Variants in C17orf50 observed in about 807,000 individuals in gnomAD.
The protein encoded by C17orf50 is plakoglobin binding and degradation factor.
In C17orf50, 16 loss-of-function variants were observed where a neutral mutation model predicts 17.7. That is an observed-to-expected ratio of 0.90 (90% CI 0.61 to 1.37). The LOEUF (loss-of-function observed/expected upper bound fraction) is 1.37, where lower values mean the gene tolerates loss of function less well. C17orf50 is among the 40% of genes most tolerant of loss of function. The pLI is 0.00. For synonymous variants in C17orf50, 125 were observed against 111.0 expected (o/e 1.13, Z -0.80); for missense variants, 271 against 240.7 (o/e 1.13, Z -0.83).
At chr17:35,762,983 G>A (rs782061207) in intron 1 of C17orf50, among the ~76,000 whole-genome samples, 3 of 152,078 alleles carry the variant, frequency 2.0e-5, no homozygotes, top group Non-Finnish European at 2.9e-5. Context: ...TTAGCTGGGC[G>A]TGGTGGCGGG....
chr17:35,764,689 T>C lies in C17orf50; in HGVS notation c.*71T>C, dbSNP rs782469825. On this transcript the variant is annotated 3_prime_UTR_variant, in exon 3 of 3. Transcript: ENST00000605587. ...CAGACCCCCTACCGACCTTCTCTCT[T>C]GGAGCGCGGAGCCCTCTTCGACGCA... is the stretch of plus-strand genomic sequence containing the variant. 9.3e-5 allele frequency: 136 copies of C among 1,462,772 alleles called. No homozygotes were observed. Among genetic ancestry groups the C allele is most frequent in the Non-Finnish European group, 1.2e-4 (129 of 1,105,290 alleles). The allele number at this position is 1,462,772 out of a possible 1,614,324, so 90.6% of individuals were successfully genotyped here.
chr17:35,764,828 A>T lies in C17orf50; in HGVS notation c.*210A>T, dbSNP rs113176378. On this transcript the variant is annotated 3_prime_UTR_variant, in exon 3 of 3. Coordinates refer to ENST00000605587, the MANE Select transcript of C17orf50 (RefSeq NM_145272.4). ...ACCTAGCGCCCCCAGTGCAGAGCCC[A>T]GCATAACCTAGAGCCCGCTGTCAAC... The T allele has an allele frequency of 2.0e-6, 1 of 511,560 alleles. No homozygotes were observed. Among genetic ancestry groups the T allele is most frequent in the Admixed American group, 4.4e-5 (1 of 22,614 alleles). 31.7% of individuals were successfully genotyped at this position (511,560 alleles called of 1,614,324 possible). A position where few individuals can be genotyped will look rare whatever the true frequency, so the allele number is the denominator to read the frequency against.
chr17:35,764,692 A>G lies in C17orf50; in HGVS notation c.*74A>G, dbSNP rs2085901112. The G allele has an allele frequency of 6.9e-7, 1 of 1,452,268 alleles. No individual in the cohort carries two copies. Among genetic ancestry groups the G allele is most frequent in the Admixed American group, 2.9e-5 (1 of 34,180 alleles). 90.0% of individuals were successfully genotyped at this position (1,452,268 alleles called of 1,614,324 possible). A position where few individuals can be genotyped will look rare whatever the true frequency, so the allele number is the denominator to read the frequency against. On this transcript the variant is annotated 3_prime_UTR_variant, in exon 3 of 3. Transcript: ENST00000605587. ...ACCCCCTACCGACCTTCTCTCTTGG[A>G]GCGCGGAGCCCTCTTCGACGCATTC... is the stretch of plus-strand genomic sequence containing the variant.
At chr17:35,762,673 A>G (rs77866747) in intron 1 of C17orf50, among the ~76,000 whole-genome samples, 19,544 of 151,888 alleles carry the variant, frequency 0.13, 1,795 homozygotes, top group African/African-American at 0.26. Flanking sequence ...CCATTTCCCT[A>G]ACTATAAGGC....
chr17:35,764,837 T>G lies in C17orf50; in HGVS notation c.*219T>G. 2.2e-6 allele frequency: 1 copy of G among 446,110 alleles called. No homozygotes were observed. The highest frequency in any genetic ancestry group is 3.9e-6 in the Non-Finnish European group (1 of 258,474). The allele number at this position is 446,110 out of a possible 1,614,324, so 27.6% of individuals were successfully genotyped here. On this transcript the variant is annotated 3_prime_UTR_variant, in exon 3 of 3. Coordinates refer to ENST00000605587, the MANE Select transcript of C17orf50 (RefSeq NM_145272.4). ...CCCCAGTGCAGAGCCCAGCATAACC[T>G]AGAGCCCGCTGTCAACAGCGCCCAC...
intron 1 of C17orf50, among the ~76,000 whole-genome samples, chr17:35,762,082 C>CT (rs1263147063): frequency 6.6e-6 from 1 of 152,108 alleles, no homozygotes; most frequent in Non-Finnish European, 1.5e-5. Context: ...CCTCCGACCC[C>CT]TGGGTTCAAG....
At chr17:35,762,004 T>C (rs1555601620) in intron 1 of C17orf50, among the ~76,000 whole-genome samples, 1 of 152,178 alleles carries the variant, frequency 6.6e-6, no homozygotes, top group Non-Finnish European at 1.5e-5. Context: ...TTTTTTCTTT[T>C]TTTGAGACGG....
At position 35,764,281 on chromosome 17, in the gene C17orf50, C is replaced by T. The variant is rs922001775; in HGVS notation, c.288C>T (p.Leu96=). Residue 96 remains leucine (L), a synonymous_variant, in exon 2 of 3, where the codon CTC becomes CTT. Coordinates refer to ENST00000605587, the MANE Select transcript of C17orf50 (RefSeq NM_145272.4). The part of the protein sequence containing the change: ...RRADSGFWGW[L]GPLALLGGLT... ...CGGACAGCGGCTTCTGGGGCTGGCT[C>T]GGCCCCTTAGCGCTGCTGGGCGGCC... is the stretch of plus-strand genomic sequence containing the variant. 2.0e-6 allele frequency: 3 copies of T among 1,533,596 alleles called. No individual in the cohort carries two copies. Among genetic ancestry groups the T allele is most frequent in the African/African-American group, 1.4e-5 (1 of 72,030 alleles). 95.0% of individuals were successfully genotyped at this position (1,533,596 alleles called of 1,614,324 possible). A position where few individuals can be genotyped will look rare whatever the true frequency, so the allele number is the denominator to read the frequency against.
In C17orf50 at chr17:35,764,002, C is replaced by T; in HGVS notation, c.14-5C>T. On this transcript the variant is annotated splice_region_variant and splice_polypyrimidine_tract_variant and intron_variant, in intron 1 of 2. Coordinates refer to ENST00000605587, the MANE Select transcript of C17orf50 (RefSeq NM_145272.4). ...GGACTGCCCTGACCTCCTCCCGGCC[C>T]GCAGGTGTGAAGACCCCCTTGTGGA... is the stretch of plus-strand genomic sequence containing the variant. 4 of 1,533,570 alleles carry T rather than the reference C, an allele frequency of 2.6e-6. No homozygotes were observed. The highest frequency in any genetic ancestry group is 3.5e-6 in the Non-Finnish European group (4 of 1,135,810). 95.0% of individuals were successfully genotyped at this position (1,533,570 alleles called of 1,614,324 possible).
Position 35,764,311 on chromosome 17 carries a change from A to G in C17orf50, c.318A>G (p.Thr106=), listed in dbSNP as rs1555602231. Residue 106 remains threonine (T), a synonymous_variant, in exon 2 of 3, where the codon ACA becomes ACG. Coordinates refer to ENST00000605587, the MANE Select transcript of C17orf50 (RefSeq NM_145272.4). ...LGPLALLGGL[T]APTDRKRSLP... ...CCTTAGCGCTGCTGGGCGGCCTAAC[A>G]GCTCCCACCGACAGGTGCCTGCGCG... 5 of 1,488,004 alleles carry G rather than the reference A, an allele frequency of 3.4e-6. No homozygotes were observed. The highest frequency in any genetic ancestry group is 2.6e-5 in the South Asian group (2 of 75,912). The allele number at this position is 1,488,004 out of a possible 1,614,324, so 92.2% of individuals were successfully genotyped here. A position where few individuals can be genotyped will look rare whatever the true frequency, so the allele number is the denominator to read the frequency against.
In C17orf50 at chr17:35,764,106, A is replaced by G; in HGVS notation, c.113A>G (p.Asp38Gly). The G allele has an allele frequency of 1.9e-6, 3 of 1,550,312 alleles. No homozygotes were observed. Among genetic ancestry groups the G allele is most frequent in the Admixed American group, 2.0e-5 (1 of 50,996 alleles). Residue 38 changes from aspartate to glycine, a missense_variant, in exon 2 of 3, where the codon GAC (aspartate) becomes GGC (glycine). Physicochemically the swap from Asp to Gly is moderately conservative, Grantham distance 94. Coordinates refer to ENST00000605587, the MANE Select transcript of C17orf50 (RefSeq NM_145272.4). ...GKEGSEDEDE[D>G]NQRPLEDSAT... The stretch of plus-strand genomic sequence containing the variant: ...GAGGGGTCGGAGGACGAGGACGAGG[A>G]CAACCAGAGGCCGCTGGAGGACAGC...
intron 1 of C17orf50, among the ~76,000 whole-genome samples, chr17:35,762,732 C>T (rs2085845532): frequency 6.6e-6 from 1 of 152,118 alleles, no homozygotes; most frequent in East Asian, 1.9e-4. Flanking sequence ...GCCTGCCCAC[C>T]CCACCAGCGG....
At chr17:35,761,419 GTT>G (rs113571513) in intron 1 of C17orf50, among the ~76,000 whole-genome samples, 1 of 126,492 alleles carries the variant, frequency 7.9e-6, no homozygotes, top group Admixed American at 7.7e-5. Context: ...CCTGTTTTTT[GTT>G]TTTTTTTTTT....
At position 35,763,897 on chromosome 17, in the gene C17orf50, A is replaced by AAAATAAATAAATAAATAAATAAAT. The variant is rs35027942; in HGVS notation, c.14-92_14-69dup. ...GAGCTACAGAGAGAGACCCTGTCTC[A>AAAATAAATAAATAAATAAATAAAT]AAATAAATAAATAAATAAATAAATA... On this transcript the variant is annotated intron_variant, in intron 1 of 2. Coordinates refer to ENST00000605587, the MANE Select transcript of C17orf50 (RefSeq NM_145272.4). 2.8e-3 allele frequency: 1,825 copies of AAAATAAATAAATAAATAAATAAAT among 654,312 alleles called. 13 individuals are homozygous for AAAATAAATAAATAAATAAATAAAT. Among genetic ancestry groups the AAAATAAATAAATAAATAAATAAAT allele is most frequent in the Admixed American group, 4.7e-3 (98 of 20,890 alleles). The allele number at this position is 654,312 out of a possible 1,614,324, so 40.5% of individuals were successfully genotyped here.
chr17:35,764,793 C>A lies in C17orf50; in HGVS notation c.*175C>A. ...GAAGGCCCACTGTTGGTGCTTGGTT[C>A]CCATCTGTCACCTAGCGCCCCCAGT... On this transcript the variant is annotated 3_prime_UTR_variant, in exon 3 of 3. Coordinates refer to ENST00000605587, the MANE Select transcript of C17orf50 (RefSeq NM_145272.4). 1 of 678,294 alleles carries A rather than the reference C, an allele frequency of 1.5e-6. No individual in the cohort carries two copies. The highest frequency in any genetic ancestry group is 2.3e-6 in the Non-Finnish European group (1 of 439,546). The allele number at this position is 678,294 out of a possible 1,614,324, so 42.0% of individuals were successfully genotyped here.
Position 35,764,229 on chromosome 17 carries a change from C to T in C17orf50, c.236C>T (p.Thr79Ile), listed in dbSNP as rs782800897. The T allele has an allele frequency of 1.0e-5, 16 of 1,544,294 alleles. No homozygotes were observed. Among genetic ancestry groups the T allele is most frequent in the African/African-American group, 1.4e-5 (1 of 72,608 alleles). ...SYCPLRQESS[T>I]QQVALLRRAD... ...TGCCCGCTGCGCCAGGAGTCCAGCA[C>T]CCAGCAGGTGGCGCTGCTGCGGCGC... Residue 79 changes from threonine (T) to isoleucine (I), a missense_variant, in exon 2 of 3, where the codon ACC becomes ATC. Physicochemically the swap from Thr to Ile is moderately conservative, Grantham distance 89 (BLOSUM62 -1). Coordinates refer to ENST00000605587, the MANE Select transcript of C17orf50 (RefSeq NM_145272.4).
chr17:35,764,303 G>A lies in C17orf50; in HGVS notation c.310G>A (p.Gly104Ser), dbSNP rs1051742578. ...GWLGPLALLG[G>S]LTAPTDRKRS... ...GCTCGGCCCCTTAGCGCTGCTGGGCGGCCTAACAGCTCCCACCGACAGGTG... is the reference window on the plus strand; with the variant it reads ...GCTCGGCCCCTTAGCGCTGCTGGGCAGCCTAACAGCTCCCACCGACAGGTG... The change falls in exon 2 of 3, where the codon GGC becomes AGC. Residue 104 changes from glycine to serine, a missense_variant. By Grantham distance (56) the Gly-to-Ser change is moderately conservative. Transcript: ENST00000605587. 1 of 1,500,116 alleles carries A rather than the reference G, an allele frequency of 6.7e-7. No individual in the cohort carries two copies. Among genetic ancestry groups the A allele is most frequent in the East Asian group, 2.6e-5 (1 of 38,936 alleles). The allele number at this position is 1,500,116 out of a possible 1,614,324, so 92.9% of individuals were successfully genotyped here. A position where few individuals can be genotyped will look rare whatever the true frequency, so the allele number is the denominator to read the frequency against.
At position 35,764,864 on chromosome 17, in the gene C17orf50, G is replaced by A. The variant is rs2085904540; in HGVS notation, c.*246G>A. ...GAGCCCGCTGTCAACAGCGCCCACCGAGGGCTCCCCGCCCCCACGCAGCAC... is the reference window on the plus strand; with the variant it reads ...GAGCCCGCTGTCAACAGCGCCCACCAAGGGCTCCCCGCCCCCACGCAGCAC... On this transcript the variant is annotated 3_prime_UTR_variant, in exon 3 of 3. Transcript: ENST00000605587. The A allele has an allele frequency of 5.5e-6, 2 of 364,122 alleles. No homozygotes were observed. The highest frequency in any genetic ancestry group is 1.0e-4 in the South Asian group (2 of 19,156). 22.6% of individuals were successfully genotyped at this position (364,122 alleles called of 1,614,324 possible).
Position 35,764,018 on chromosome 17 carries a change from C to T in C17orf50, c.25C>T (p.Pro9Ser), listed in dbSNP as rs1555602066. Reference protein sequence around the residue: MDKHGVKTPLWKKETEELR... With the variant: MDKHGVKTSLWKKETEELR... ...CTCCCGGCCCGCAGGTGTGAAGACC[C>T]CCTTGTGGAAGAAGGAAACGGAAGA... is the stretch of plus-strand genomic sequence containing the variant. The change falls in exon 2 of 3, where the codon CCC (proline) becomes TCC (serine). Residue 9 changes from proline (P) to serine (S), a missense_variant. Transcript: ENST00000605587. 1 of 1,544,792 alleles carries T rather than the reference C, an allele frequency of 6.5e-7. No individual in the cohort carries two copies. The highest frequency in any genetic ancestry group is 8.7e-7 in the Non-Finnish European group (1 of 1,143,264).
Sources: gnomAD v4.1 joint callset for allele counts (sites outside exome capture counted in the v4.1 genomes callset) on GRCh38, gnomAD v4.1.1 for gene constraint, MANE v1.5 for transcripts, NCBI Gene and HGNC (gene_info 2026-07-23, HGNC 2026-07-21) for gene names.